Variants in FGF12 observed in about 807,000 individuals in gnomAD.
FGF12 encodes fibroblast growth factor 12.
In FGF12, 14 loss-of-function variants were observed where a neutral mutation model predicts 23.6. The ratio of observed to expected loss-of-function variants is 0.59; its 90% CI spans 0.39 to 0.93. The LOEUF (loss-of-function observed/expected upper bound fraction) is 0.93, where lower values mean the gene tolerates loss of function less well. Ranked by LOEUF, FGF12 falls within the 40% of genes least tolerant of loss-of-function variation. The probability of loss-of-function intolerance (pLI) is 0.00; values close to 1 mark genes in which losing one functional copy is unlikely to be tolerated. For synonymous variants in FGF12, 62 were observed against 77.3 expected (o/e 0.80, Z 1.04); for missense variants, 175 against 217.8 (o/e 0.80, Z 1.24).
At chr3:192,287,358 C>T (rs1486417388) in intron 4 of FGF12, among the ~76,000 whole-genome samples, 6 of 152,034 alleles carry the variant, frequency 3.9e-5, no homozygotes, top group African/African-American at 1.2e-4. Context: ...GTGTCTTGTA[C>T]TTTCTTTGTA....
chr3:192,371,516 G>T (rs948350585), intron 2 of FGF12, among the ~76,000 whole-genome samples: 2 of 152,226 alleles, frequency 1.3e-5, no homozygotes, highest in African/African-American at 4.8e-5. Context: ...ACATTATAGT[G>T]TGCTCTATGA....
intron 4 of FGF12, among the ~76,000 whole-genome samples, chr3:192,222,454 T>C (rs1233102698): frequency 6.6e-6 from 1 of 152,152 alleles, no homozygotes; most frequent in Non-Finnish European, 1.5e-5. Context: ...ATTTTTTCAT[T>C]GTTAAAATGT....
chr3:192,512,850 A>ATTTATAAATT (rs1724527527), intron 2 of FGF12, among the ~76,000 whole-genome samples: 1 of 128,804 alleles, frequency 7.8e-6, no homozygotes, highest in Non-Finnish European at 1.7e-5. Context: ...ATATATATAT[A>ATTTATAAATT]TATATATATA....
rs746733259 is a variant in FGF12 at position 192,156,921 on chromosome 3, A to G, written c.428-12794T>C. ...TTCCTCTATTCTGACTTACATTTCA[A>G]TTTTCTTCCTTCTTCTTAATGTTTC... On this transcript the variant is annotated intron_variant, in intron 5 of 5. Coordinates refer to ENST00000445105, the MANE Select transcript of FGF12 (RefSeq NM_004113.6). Among the ~76,000 whole-genome samples, 17 of 151,906 alleles carry G rather than the reference A, an allele frequency of 1.1e-4. No individual in the cohort carries two copies. The South Asian group carries it at 1.7e-3, about 15-fold the overall frequency.
chr3:192,328,195 C>T (rs2108688824), intron 4 of FGF12, among the ~76,000 whole-genome samples: 1 of 152,236 alleles, frequency 6.6e-6, no homozygotes, highest in East Asian at 1.9e-4. Context: ...AGAACTTGTC[C>T]AAAAAGAGGT....
At chr3:192,229,176 A>AAAG (rs1560200884) in intron 4 of FGF12, among the ~76,000 whole-genome samples, 9 of 151,982 alleles carry the variant, frequency 5.9e-5, no homozygotes, top group African/African-American at 2.2e-4. Context: ...TTAAAAAAAA[A>AAAG]AACCTGAGTT....
intron 2 of FGF12, among the ~76,000 whole-genome samples, chr3:192,723,730 A>T (rs141171973): frequency 6.9e-4 from 105 of 152,034 alleles, no homozygotes; most frequent in Non-Finnish European, 2.9e-4. Flanking sequence ...TGGCCTAAGC[A>T]TCTTTACATT....
intron 4 of FGF12, among the ~76,000 whole-genome samples, chr3:192,265,950 A>G (rs557620847): frequency 3.2e-3 from 488 of 152,182 alleles, no homozygotes; most frequent in Admixed American, 5.0e-3. Flanking sequence ...GTTTCCTTCT[A>G]TGCATTGTGG....
chr3:192,550,103 GTATATA>G (rs900535457), intron 2 of FGF12, among the ~76,000 whole-genome samples: 1 of 151,040 alleles, frequency 6.6e-6, no homozygotes, highest in Non-Finnish European at 1.5e-5. Flanking sequence ...GTGTGAGTGT[GTATATA>G]TATATGTATA....
chr3:192,585,869 A>T (rs766497744), intron 2 of FGF12, among the ~76,000 whole-genome samples: 3 of 152,232 alleles, frequency 2.0e-5, no homozygotes, highest in Non-Finnish European at 4.4e-5. Context: ...ACTTAGTCGA[A>T]TGTGTTTACA....
chr3:192,199,294 G>A, intron 4 of FGF12, among the ~76,000 whole-genome samples: 1 of 152,224 alleles, frequency 6.6e-6, no homozygotes, highest in East Asian at 1.9e-4. Flanking sequence ...AGTAGTAAGT[G>A]TACTGAGTTG....
At chr3:192,386,650 T>G (rs570911361) in intron 2 of FGF12, among the ~76,000 whole-genome samples, 163 of 152,288 alleles carry the variant, frequency 1.1e-3, no homozygotes, top group African/African-American at 3.8e-3. Flanking sequence ...ATAATATTTA[T>G]TTTTCTATTT....
chr3:192,652,054 C>G (rs1192759908), intron 2 of FGF12, among the ~76,000 whole-genome samples: 1 of 152,200 alleles, frequency 6.6e-6, no homozygotes, highest in Non-Finnish European at 1.5e-5. Context: ...ATGCCAGACA[C>G]TCTGCTAGAT....
rs1721102146 is a variant in FGF12, at chr3:192,409,315, C to T, written c.14-48777G>A. ...GCCGAAGGTGTCCTCTCCAGCTCGG[C>T]GCCCACACGCCTTTAACTGGAGCTC... On this transcript the variant is annotated intron_variant, in intron 2 of 5. Coordinates refer to ENST00000445105, the MANE Select transcript of FGF12 (RefSeq NM_004113.6). The surrounding 1 kb of genome is among the most constrained non-coding windows in gnomAD (Gnocchi z 4.8). 6.6e-6 allele frequency among the ~76,000 whole-genome samples: 1 copy of T among 152,196 alleles called. No homozygotes were observed. Among genetic ancestry groups the T allele is most frequent in the African/African-American group, 2.4e-5 (1 of 41,460 alleles).
At chr3:192,305,776 T>C (rs1715607536) in intron 4 of FGF12, among the ~76,000 whole-genome samples, 1 of 149,104 alleles carries the variant, frequency 6.7e-6, no homozygotes, top group Non-Finnish European at 1.5e-5. Flanking sequence ...ACACTGATAT[T>C]AGTGACCCCT....
At chr3:192,647,703 GTATA>G (rs34697057) in intron 2 of FGF12, among the ~76,000 whole-genome samples, 25 of 145,742 alleles carry the variant, frequency 1.7e-4, no homozygotes, top group African/African-American at 5.1e-4. Context: ...GTATATATGT[GTATA>G]TATACATATA....
chr3:192,361,169 CAAAAAAAA>C (rs10651290), intron 2 of FGF12, among the ~76,000 whole-genome samples: 27 of 98,766 alleles, frequency 2.7e-4, no homozygotes, highest in African/African-American at 6.9e-4. Context: ...TTCTCCAGTA[CAAAAAAAA>C]AAAAAAAAAA....
chr3:192,532,130 C>T (rs1725103288), intron 2 of FGF12, among the ~76,000 whole-genome samples: 1 of 152,024 alleles, frequency 6.6e-6, no homozygotes, highest in Non-Finnish European at 1.5e-5. Flanking sequence ...TATACTAGTA[C>T]CATGCTGTTT....
At position 192,382,231 on chromosome 3, in the gene FGF12, T is replaced by A. The variant is rs765039338; in HGVS notation, c.14-21693A>T. The stretch of plus-strand genomic sequence containing the variant: ...CAGGATGGTCTCGATCTCGACCACG[T>A]GATCCACTCACCTCAGACTCTCAAA... On this transcript the variant is annotated intron_variant, in intron 2 of 5. Transcript: ENST00000445105. Among the ~76,000 whole-genome samples the A allele has an allele frequency of 2.6e-4, 39 of 152,024 alleles. 1 individual carries two copies. Among genetic ancestry groups the A allele is most frequent in the Non-Finnish European group, 5.9e-5 (4 of 68,004 alleles).
Sources: gnomAD v4.1 joint callset for allele counts (sites outside exome capture counted in the v4.1 genomes callset) on GRCh38, gnomAD v4.1.1 for gene constraint, Gnocchi (gnomAD v3.1) non-coding constraint, MANE v1.5 for transcripts, NCBI Gene and HGNC (gene_info 2026-07-23, HGNC 2026-07-21) for gene names.